The following PHACTR1 variants were observed in gnomAD, a reference collection of about 807,000 sequenced individuals.
The protein encoded by PHACTR1 is phosphatase and actin regulator 1.
PHACTR1 carries 16 observed loss-of-function variants against 69.2 expected under a neutral mutation model. The observed-to-expected ratio is 0.23, with a 90% CI of 0.16 to 0.35. PHACTR1 has a LOEUF of 0.35. Among genes scored for constraint, PHACTR1 ranks in the 10% least tolerant of loss-of-function variants. The pLI, the probability that PHACTR1 is intolerant of heterozygous loss-of-function variation, is 1.00. For synonymous variants in PHACTR1, 312 were observed against 284.5 expected (o/e 1.10, Z -0.97); for missense variants, 510 against 734.7 (o/e 0.69, Z 3.54).
intron 5 of PHACTR1, among the ~76,000 whole-genome samples, chr6:13,119,708 C>T (rs904352312): frequency 3.3e-5 from 5 of 152,186 alleles, no homozygotes; most frequent in Non-Finnish European, 5.9e-5. Flanking sequence ...AGAGGCTGAG[C>T]GGATAAATGC....
intron 4 of PHACTR1, among the ~76,000 whole-genome samples, chr6:12,994,089 TA>T (rs989037467): frequency 1.3e-5 from 2 of 151,562 alleles, no homozygotes; most frequent in Admixed American, 6.6e-5. Flanking sequence ...AAAACAACAG[TA>T]AAAAAAGACA....
At chr6:13,254,665 T>G (rs996703435) in intron 10 of PHACTR1, among the ~76,000 whole-genome samples, 6 of 152,210 alleles carry the variant, frequency 3.9e-5, no homozygotes, top group Non-Finnish European at 8.8e-5. Context: ...GGAGGGTTTA[T>G]TTACAACAGA....
chr6:13,128,524 A>C (rs1368298112), intron 5 of PHACTR1, among the ~76,000 whole-genome samples: 1 of 151,978 alleles, frequency 6.6e-6, no homozygotes, highest in Non-Finnish European at 1.5e-5. Context: ...AAAGTGTCAA[A>C]AATAGTCTAG....
rs985734558 is a variant in PHACTR1 at position 12,716,882 on chromosome 6, G to A, written c.-296G>A. 3.3e-5 allele frequency: 5 copies of A among 151,870 alleles called. No homozygotes were observed. The highest frequency in any genetic ancestry group is 6.6e-5 in the Admixed American group (1 of 15,248). 9.4% of individuals were successfully genotyped at this position (151,870 alleles called of 1,614,324 possible). On this transcript the variant is annotated 5_prime_UTR_variant, in exon 1 of 15. Coordinates refer to ENST00000332995, the MANE Select transcript of PHACTR1 (RefSeq NM_030948.6). ...TACTCTACCGTGTCCTGTTGAAAGG[G>A]GTCAACAAGTGCCGGTGAGTATCCG...
intron 7 of PHACTR1, among the ~76,000 whole-genome samples, chr6:13,193,400 A>G (rs866139079): frequency 8.3e-4 from 56 of 67,364 alleles, no homozygotes; most frequent in African/African-American, 2.3e-3. Flanking sequence ...TGGGGAGTGT[A>G]TGTTGAGATG....
At chr6:12,958,915 G>A (rs529024942) in intron 4 of PHACTR1, among the ~76,000 whole-genome samples, 46 of 152,186 alleles carry the variant, frequency 3.0e-4, no homozygotes, top group Non-Finnish European at 5.7e-4. Context: ...GGTGGCTCAC[G>A]CCTATAATCC....
At chr6:13,258,082 G>A (rs1775418975) in intron 10 of PHACTR1, among the ~76,000 whole-genome samples, 1 of 152,184 alleles carries the variant, frequency 6.6e-6, no homozygotes, top group Non-Finnish European at 1.5e-5. Context: ...AACAGGCTGG[G>A]AGCAGTGGCT....
chr6:12,958,239 A>G (rs569154223), intron 4 of PHACTR1, among the ~76,000 whole-genome samples: 183 of 152,150 alleles, frequency 1.2e-3, no homozygotes, highest in Middle Eastern at 6.8e-3. Context: ...CCTCAAAGTC[A>G]GAAGAGATGG....
intron 3 of PHACTR1, among the ~76,000 whole-genome samples, chr6:12,722,911 G>A (rs1281945517): frequency 6.6e-6 from 1 of 152,162 alleles, no homozygotes; most frequent in Non-Finnish European, 1.5e-5. Context: ...GAACTCCAGA[G>A]GTTAGAGATA....
rs962079940 is a variant in PHACTR1, at chr6:13,014,006, G to A, written c.251-39359G>A. Among the ~76,000 whole-genome samples, 101 of 152,172 alleles carry A rather than the reference G, an allele frequency of 6.6e-4. No homozygotes were observed. The highest frequency in any genetic ancestry group is 2.3e-3 in the African/African-American group (96 of 41,556). Reference sequence around the variant, plus strand: ...AACCCAAAAAGAAAGCTTTTTATTTGCTGAGGATGAAGCCCCTGAAGGAGC... The same window carrying A: ...AACCCAAAAAGAAAGCTTTTTATTTACTGAGGATGAAGCCCCTGAAGGAGC... On this transcript the variant is annotated intron_variant, in intron 4 of 14. Transcript: ENST00000332995.
At chr6:12,929,539 G>C (rs1296501467) in intron 4 of PHACTR1, among the ~76,000 whole-genome samples, 1 of 152,176 alleles carries the variant, frequency 6.6e-6, no homozygotes, top group East Asian at 1.9e-4. Context: ...GGAAGAACTT[G>C]AAGGACCATG....
chr6:13,000,641 G>GAAGGAAGGAAGGAAGGAAGC (rs1471881943), intron 4 of PHACTR1, among the ~76,000 whole-genome samples: 2 of 111,922 alleles, frequency 1.8e-5, no homozygotes, highest in Non-Finnish European at 3.6e-5. Flanking sequence ...AGGAAGGAAG[G>GAAGGAAGGAAGGAAGGAAGC]GGGGAGGGAG....
intron 8 of PHACTR1, among the ~76,000 whole-genome samples, chr6:13,217,678 A>G (rs1488293595): frequency 6.6e-6 from 1 of 152,248 alleles, no homozygotes; most frequent in African/African-American, 2.4e-5. Flanking sequence ...TCGTCTATAT[A>G]TAGAACAGCA....
chr6:13,264,624 C>A (rs367943280), intron 10 of PHACTR1, among the ~76,000 whole-genome samples: 189 of 152,200 alleles, frequency 1.2e-3, no homozygotes, highest in African/African-American at 4.2e-3. Context: ...GAGGCTGAGG[C>A]AGGAGAATCA....
At chr6:13,078,284 G>A (rs901845133) in intron 5 of PHACTR1, among the ~76,000 whole-genome samples, 3 of 152,050 alleles carry the variant, frequency 2.0e-5, no homozygotes, top group African/African-American at 4.8e-5. Context: ...CTCTGCCTTC[G>A]GCTTCACATG....
At chr6:13,057,822 A>G (rs12332975) in intron 5 of PHACTR1, among the ~76,000 whole-genome samples, 3,526 of 152,282 alleles carry the variant, frequency 0.023, 138 homozygotes, top group African/African-American at 0.08. Context: ...CTACTCTTAC[A>G]TCCTTCCTGT....
At chr6:12,968,914 A>G (rs1793825074) in intron 4 of PHACTR1, among the ~76,000 whole-genome samples, 1 of 152,240 alleles carries the variant, frequency 6.6e-6, no homozygotes, top group South Asian at 2.1e-4. Flanking sequence ...GTGGTTATCA[A>G]ACTTTCAAAT....
intron 3 of PHACTR1, among the ~76,000 whole-genome samples, chr6:12,734,176 T>C (rs1487812696): frequency 6.6e-6 from 1 of 152,180 alleles, no homozygotes; most frequent in African/African-American, 2.4e-5. Context: ...ATTTATTACA[T>C]AATGTTTTAT....
At chr6:12,779,416 T>TG in intron 4 of PHACTR1, among the ~76,000 whole-genome samples, 1 of 152,298 alleles carries the variant, frequency 6.6e-6, no homozygotes, top group Admixed American at 6.5e-5. Context: ...ACTCTCAAAT[T>TG]GACTCATTAG....
Sources: allele counts gnomAD v4.1 joint callset (sites outside exome capture counted in the v4.1 genomes callset), GRCh38; gene constraint gnomAD v4.1.1; transcripts MANE v1.5; gene names NCBI Gene and HGNC (gene_info 2026-07-23, HGNC 2026-07-21).